The following CHLSN variants were observed in gnomAD, a reference collection of about 807,000 sequenced individuals.
CHLSN encodes cholesin, also known as protein cholesin.
the CHLSN span, among the ~76,000 whole-genome samples, chr7:1,076,801 A>G: frequency 6.6e-6 from 1 of 152,122 alleles, no homozygotes; most frequent in Non-Finnish European, 1.5e-5. Flanking sequence ...GAGCATGGGG[A>G]CTTGCACGCC....
the CHLSN span, among the ~76,000 whole-genome samples, chr7:1,017,621 G>T: frequency 1.3e-5 from 2 of 151,508 alleles, no homozygotes; most frequent in African/African-American, 2.5e-5. Flanking sequence ...CCTTCTTCTG[G>T]GGAAACAAGA....
At chr7:1,059,621 T>TG in the CHLSN span, among the ~76,000 whole-genome samples, 1 of 106,144 alleles carries the variant, frequency 9.4e-6, no homozygotes, top group Non-Finnish European at 1.9e-5. Flanking sequence ...TAGGTGGTTC[T>TG]TAGTGGGGCG....
the CHLSN span, among the ~76,000 whole-genome samples, chr7:1,017,926 C>T: frequency 0.029 from 4,384 of 152,284 alleles, 211 homozygotes; most frequent in African/African-American, 0.1. Context: ...CATGTTTGTT[C>T]GGTGCATTTT....
At chr7:987,461 T>C in the CHLSN span, 1 of 1,570,322 alleles carries the variant, frequency 6.4e-7, no homozygotes, top group Non-Finnish European at 8.6e-7. Context: ...CAGCGGTTCA[T>C]CACGCTCCTG....
At chr7:1,062,674 G>C in the CHLSN span, among the ~76,000 whole-genome samples, 1 of 152,206 alleles carries the variant, frequency 6.6e-6, no homozygotes, top group Non-Finnish European at 1.5e-5. Context: ...TGGAACTGAG[G>C]TGTTGGGGTA....
the CHLSN span, chr7:1,026,651 T>C: frequency 1.3e-5 from 2 of 152,228 alleles, no homozygotes; most frequent in Non-Finnish European, 2.9e-5. Flanking sequence ...GCCACTTTAC[T>C]GAAAATCACA....
the CHLSN span, among the ~76,000 whole-genome samples, chr7:1,084,603 C>A: frequency 4.6e-5 from 7 of 152,328 alleles, no homozygotes; most frequent in African/African-American, 1.7e-4. Flanking sequence ...GTGGACCGCT[C>A]CCCTTGAAAA....
At chr7:1,063,119 C>T in the CHLSN span, among the ~76,000 whole-genome samples, 8 of 152,332 alleles carry the variant, frequency 5.3e-5, no homozygotes, top group African/African-American at 9.6e-5. Context: ...CACAGACCCA[C>T]GCCCCATCCT....
chr7:1,016,402 GCAGCACACAGCAGCGCACGC>G, the CHLSN span, among the ~76,000 whole-genome samples: 1,187 of 57,028 alleles, frequency 0.021, 53 homozygotes, highest in East Asian at 0.051. Context: ...CCAGCACACA[GCAGCACACAGCAGCGCACGC>G]CAGCACACAG....
At chr7:993,540 C>T in the CHLSN span, among the ~76,000 whole-genome samples, 8 of 151,926 alleles carry the variant, frequency 5.3e-5, no homozygotes, top group East Asian at 1.9e-4. Context: ...GGTGGGAGGC[C>T]GGGGTGGGAG....
the CHLSN span, among the ~76,000 whole-genome samples, chr7:1,035,062 G>A: frequency 2.6e-4 from 40 of 152,372 alleles, no homozygotes; most frequent in Admixed American, 2.6e-4. Flanking sequence ...ATTTCAGCTG[G>A]TGTCATGTCT....
At chr7:1,034,434 A>G in the CHLSN span, among the ~76,000 whole-genome samples, 3 of 152,002 alleles carry the variant, frequency 2.0e-5, no homozygotes, top group Admixed American at 6.5e-5. Context: ...TCTAAAACGT[A>G]TATGGAAAAG....
At chr7:1,038,224 A>C in the CHLSN span, among the ~76,000 whole-genome samples, 6 of 64,652 alleles carry the variant, frequency 9.3e-5, no homozygotes, top group Admixed American at 1.5e-4. Flanking sequence ...AGCCCCCCCG[A>C]CCGGCCAGCC....
the CHLSN span, among the ~76,000 whole-genome samples, chr7:1,036,983 C>T: frequency 6.1e-3 from 895 of 147,176 alleles, 26 homozygotes; most frequent in African/African-American, 0.02. Context: ...TGGTGGCATG[C>T]GCCTGTAGTC....
chr7:983,403 G>A, the CHLSN span: 1 of 1,479,872 alleles, frequency 6.8e-7, no homozygotes. Flanking sequence ...AGGGAGCCCG[G>A]GCAGCTCTTG....
chr7:1,111,626 T>C, the CHLSN span, among the ~76,000 whole-genome samples: 1 of 152,140 alleles, frequency 6.6e-6, no homozygotes, highest in Non-Finnish European at 1.5e-5. Flanking sequence ...GTAGGGAGAC[T>C]CTGTCCCTAC....
the CHLSN span, chr7:1,021,566 T>TGTCA: frequency 1.0e-6 from 1 of 985,420 alleles, no homozygotes; most frequent in Non-Finnish European, 1.2e-6. Flanking sequence ...CTTCAGCAGC[T>TGTCA]GTCAGTCATC....
the CHLSN span, among the ~76,000 whole-genome samples, chr7:1,027,240 C>A: frequency 6.6e-6 from 1 of 152,224 alleles, no homozygotes. Context: ...ACAACGAATT[C>A]ATAAAAATCA....
the CHLSN span, among the ~76,000 whole-genome samples, chr7:1,072,745 G>T: frequency 6.9e-6 from 1 of 144,286 alleles, no homozygotes; most frequent in Non-Finnish European, 1.5e-5. Context: ...GTGCAGTGGC[G>T]CAATCTCAGC....
Sources: allele counts gnomAD v4.1 joint callset (sites outside exome capture counted in the v4.1 genomes callset), GRCh38; gene constraint gnomAD v4.1.1; transcripts MANE v1.5; gene names NCBI Gene and HGNC (gene_info 2026-07-23, HGNC 2026-07-21).